CA10: variants seen among roughly 807,000 people sequenced by gnomAD.
CA10 encodes carbonic anhydrase-related protein 10.
A neutral mutation model predicts 44.2 loss-of-function variants in CA10; 14 were observed. That is an observed-to-expected ratio of 0.32 (90% CI 0.21 to 0.50). The LOEUF is 0.50. CA10 is among the 20% of genes least tolerant of loss of function. The pLI is 0.99. For synonymous variants in CA10, 159 were observed against 141.6 expected (o/e 1.12, Z -0.87); for missense variants, 350 against 409.7 (o/e 0.85, Z 1.26).
At chr17:52,107,441 A>C (rs949888454) in intron 1 of CA10, among the ~76,000 whole-genome samples, 1 of 152,088 alleles carries the variant, frequency 6.6e-6, no homozygotes. Flanking sequence ...TTCCTATGAC[A>C]ATTTTCTAGA....
rs116403210 is a variant in CA10, at chr17:52,077,845, C to T, written c.62-5452G>A. ...GGCTAAACCACCAAAGCTGGTGGAG[C>T]TTTATATAAACAAGGCCTACAACCC... On this transcript the variant is annotated intron_variant, in intron 1 of 8. Coordinates refer to ENST00000451037, the MANE Select transcript of CA10 (RefSeq NM_020178.5). Among the ~76,000 whole-genome samples the T allele has an allele frequency of 9.0e-3, 1,364 of 152,268 alleles. 16 individuals carry two copies. Among genetic ancestry groups the T allele is most frequent in the African/African-American group, 0.032 (1,323 of 41,548 alleles).
At chr17:52,013,817 T>C (rs1985883734) in intron 2 of CA10, among the ~76,000 whole-genome samples, 1 of 151,978 alleles carries the variant, frequency 6.6e-6, no homozygotes, top group Non-Finnish European at 1.5e-5. Context: ...CTGTAGTTGC[T>C]CAAGTCCTTT....
At chr17:51,922,660 G>T (rs544807476) in intron 3 of CA10, among the ~76,000 whole-genome samples, 1 of 151,910 alleles carries the variant, frequency 6.6e-6, no homozygotes, top group African/African-American at 2.4e-5. Context: ...CGGTACTATC[G>T]TTTGTGATTC....
intron 1 of CA10, among the ~76,000 whole-genome samples, chr17:52,098,695 G>A (rs1049040838): frequency 1.7e-4 from 26 of 152,242 alleles, no homozygotes; most frequent in South Asian, 4.1e-4. Context: ...TAGTGACGTC[G>A]GGAGGGGCCT....
intron 3 of CA10, among the ~76,000 whole-genome samples, chr17:51,821,932 GACCTGTGGTC>G (rs1907818053): frequency 6.6e-6 from 1 of 151,948 alleles, no homozygotes; most frequent in South Asian, 2.1e-4. Flanking sequence ...ATACTAGTAT[GACCTGTGGTC>G]ACCCCTTTCC....
chr17:52,025,324 A>T (rs1420897901), intron 2 of CA10, among the ~76,000 whole-genome samples: 1 of 152,026 alleles, frequency 6.6e-6, no homozygotes, highest in African/African-American at 2.4e-5. Context: ...TCCCTCATAC[A>T]AGTAATGTCA....
At chr17:52,109,971 C>T (rs547440194) in intron 1 of CA10, among the ~76,000 whole-genome samples, 2 of 152,330 alleles carry the variant, frequency 1.3e-5, no homozygotes, top group South Asian at 4.1e-4. Context: ...GTTTTATCTG[C>T]AACAGGTGTA....
At chr17:51,659,727 C>T (rs1913930515) in intron 4 of CA10, among the ~76,000 whole-genome samples, 1 of 152,226 alleles carries the variant, frequency 6.6e-6, no homozygotes, top group African/African-American at 2.4e-5. Flanking sequence ...TTCTTGAAAA[C>T]TTCTATGAGT....
rs556060446 is a variant in CA10 at position 51,881,689 on chromosome 17, A to G, written c.279+49301T>C. ...GGTGATGAACCTCACTAACAAGGAG[A>G]CACAAATTCAGTCAATAATGAGAGG... On this transcript the variant is annotated intron_variant, in intron 3 of 8. Transcript: ENST00000451037. Among the ~76,000 whole-genome samples the G allele has an allele frequency of 3.3e-5, 5 of 152,340 alleles. No individual in the cohort carries two copies. In the East Asian group the frequency reaches 9.6e-4, roughly 29 times the overall value.
chr17:52,140,539 C>A (rs1989456081), intron 1 of CA10, among the ~76,000 whole-genome samples: 1 of 151,958 alleles, frequency 6.6e-6, no homozygotes, highest in South Asian at 2.1e-4. Context: ...TTTTTTTCCC[C>A]AACTATCTGA....
At chr17:52,049,386 A>T (rs1422707137) in intron 2 of CA10, among the ~76,000 whole-genome samples, 2 of 152,106 alleles carry the variant, frequency 1.3e-5, no homozygotes, top group Non-Finnish European at 2.9e-5. Context: ...AATCATAATA[A>T]TTCCTTTATG....
intron 3 of CA10, among the ~76,000 whole-genome samples, chr17:51,796,258 G>T (rs1906704370): frequency 6.6e-6 from 1 of 152,008 alleles, no homozygotes; most frequent in South Asian, 2.1e-4. Flanking sequence ...CCAGAAAAGG[G>T]GAAGTGCCTT....
chr17:51,664,461 G>T (rs1287202904), intron 4 of CA10, among the ~76,000 whole-genome samples: 1 of 149,636 alleles, frequency 6.7e-6, no homozygotes, highest in Non-Finnish European at 1.5e-5. Flanking sequence ...AAAGGGACAT[G>T]AACATCTCAA....
chr17:51,801,123 G>C (rs1906908946), intron 3 of CA10, among the ~76,000 whole-genome samples: 1 of 152,204 alleles, frequency 6.6e-6, no homozygotes, highest in Non-Finnish European at 1.5e-5. Context: ...TCTCTCCTAT[G>C]ATGGGATGTG....
intron 4 of CA10, among the ~76,000 whole-genome samples, chr17:51,658,783 A>G (rs1438964717): frequency 2.0e-5 from 3 of 152,166 alleles, no homozygotes; most frequent in African/African-American, 7.2e-5. Flanking sequence ...AGGAGGGCAA[A>G]GTGGGGACTG....
intron 3 of CA10, among the ~76,000 whole-genome samples, chr17:51,754,285 AGTGTGTGTGTGT>A (rs60269292): frequency 0.084 from 11,808 of 140,804 alleles, 560 homozygotes; most frequent in Middle Eastern, 0.21. Context: ...GAAACAGAAT[AGTGTGTGTGTGT>A]GTGTGTGTGT....
chr17:51,646,760 G>A (rs1913356026), intron 6 of CA10, among the ~76,000 whole-genome samples: 1 of 152,134 alleles, frequency 6.6e-6, no homozygotes, highest in African/African-American at 2.4e-5. Flanking sequence ...AGAGAGCTGT[G>A]GTTTTCTGCT....
At chr17:52,151,980 C>T (rs1989711504) in intron 1 of CA10, among the ~76,000 whole-genome samples, 1 of 152,050 alleles carries the variant, frequency 6.6e-6, no homozygotes. Context: ...ACCACATTAG[C>T]CATTTTACAA....
intron 2 of CA10, among the ~76,000 whole-genome samples, chr17:52,039,305 T>TA (rs1046878077): frequency 1.4e-4 from 21 of 152,232 alleles, no homozygotes; most frequent in African/African-American, 4.8e-4. Context: ...TGACAGGGAT[T>TA]AAAAAAATAC....
Sources: gnomAD v4.1 joint callset for allele counts (sites outside exome capture counted in the v4.1 genomes callset) on GRCh38, gnomAD v4.1.1 for gene constraint, MANE v1.5 for transcripts, NCBI Gene and HGNC (gene_info 2026-07-23, HGNC 2026-07-21) for gene names.